The following RTL1 variants were observed in gnomAD, a reference collection of about 807,000 sequenced individuals.
RTL1 encodes the protein retrotransposon-like protein 1.
For missense variants in RTL1, 1,681 were observed against 1,767.5 expected, an observed-to-expected ratio of 0.95 and a Z score of 0.88; for synonymous variants, 727 against 748.4, an observed-to-expected ratio of 0.97 and a Z score of 0.47.
rs2038626428 is a variant in RTL1 at position 100,882,234 on chromosome 14, G to T, written c.2555C>A (p.Ala852Asp). 3.9e-6 allele frequency: 6 copies of T among 1,551,182 alleles called. No individual in the cohort carries two copies. The South Asian group carries it at 4.8e-5, about 12-fold the overall frequency. ...QFYWGVEEQE[A>D]FECLKRAFRK... ...GAAAGCCCTCTTCAGGCACTCGAAG[G>T]CCTCTTGCTCCTCGACTCCCCAGTA... Residue 852 changes from alanine to aspartate, a missense_variant, in exon 4 of 4, where the codon GCC becomes GAC. Physicochemically the swap from Ala to Asp is moderately radical, Grantham distance 126. Transcript: ENST00000649591.
intron 2 of RTL1, among the ~76,000 whole-genome samples, chr14:100,901,788 C>G (rs1356103140): frequency 2.2e-4 from 34 of 152,186 alleles, no homozygotes; most frequent in Non-Finnish European, 2.9e-5. Flanking sequence ...CACCTCCCCC[C>G]ACCAGCCCTG....
chr14:100,900,032 G>A (rs1266983151), intron 2 of RTL1, among the ~76,000 whole-genome samples: 2 of 152,224 alleles, frequency 1.3e-5, no homozygotes, highest in Admixed American at 6.5e-5. Flanking sequence ...CCTGGGGGCC[G>A]GGGAAGGGGC....
At chr14:100,895,250 A>G (rs2140052737) in intron 2 of RTL1, among the ~76,000 whole-genome samples, 1 of 152,256 alleles carries the variant, frequency 6.6e-6, no homozygotes, top group South Asian at 2.1e-4. Flanking sequence ...GATGGGGCTC[A>G]GGGGTCTACC....
Position 100,893,404 on chromosome 14 carries a change from C to A in RTL1, c.-87+40G>T, listed in dbSNP as rs983562026. On this transcript the variant is annotated intron_variant, in intron 3 of 3. Coordinates refer to ENST00000649591, the MANE Select transcript of RTL1 (RefSeq NM_001134888.3). This position sits in a 1 kb window ranked among gnomAD's most constrained non-coding sequence, Gnocchi z 4.2. ...CCTCCCCTGCCTGCCCACCCGATCC[C>A]TGGGGGAGGTCGACATGGGACCTCT... Among the ~76,000 whole-genome samples, 1 of 152,176 alleles carries A rather than the reference C, an allele frequency of 6.6e-6. No individual in the cohort carries two copies. Among genetic ancestry groups the A allele is most frequent in the Non-Finnish European group, 1.5e-5 (1 of 68,040 alleles).
Position 100,883,090 on chromosome 14 carries a change from T to G in RTL1, c.1699A>C (p.Asn567His). ...GTCTCATCATCTGCTTCCTTCGGGT[T>G]AAACACGTCGGCCAGGTCTGAGTAT... is the stretch of plus-strand genomic sequence containing the variant. Reference protein sequence around the residue: ...HPYSDLADVFNPKEADDETSD... With the variant: ...HPYSDLADVFHPKEADDETSD... The change falls in exon 4 of 4, where the codon AAC (asparagine) becomes CAC (histidine). Residue 567 changes from asparagine to histidine, a missense_variant. Asn to His is a moderately conservative substitution (Grantham distance 68). Transcript: ENST00000649591. The surrounding 1 kb of genome is among the most constrained non-coding windows in gnomAD (Gnocchi z 5.9). The G allele has an allele frequency of 6.2e-7, 1 of 1,613,812 alleles. No individual in the cohort carries two copies. Among genetic ancestry groups the G allele is most frequent in the Non-Finnish European group, 8.5e-7 (1 of 1,179,930 alleles).
chr14:100,901,870 C>A (rs1459110466), intron 2 of RTL1, among the ~76,000 whole-genome samples: 1 of 152,218 alleles, frequency 6.6e-6, no homozygotes, highest in Admixed American at 6.5e-5. Context: ...CCAACCATCT[C>A]TGTGCCTTTG....
In RTL1 at chr14:100,880,014, G is replaced by C. The variant is rs145252372; in HGVS notation, c.*698C>G. On this transcript the variant is annotated 3_prime_UTR_variant, in exon 4 of 4. Coordinates refer to ENST00000649591, the MANE Select transcript of RTL1 (RefSeq NM_001134888.3). ...TGCAGGGGCCCTCTTTGCTGTGCAA[G>C]TCTGGTAAGTGGCACTGGTACGTCC... 2.0e-5 allele frequency among the ~76,000 whole-genome samples: 3 copies of C among 151,960 alleles called. No individual in the cohort carries two copies. Among genetic ancestry groups the C allele is most frequent in the Admixed American group, 1.3e-4 (2 of 15,264 alleles).
intron 3 of RTL1, among the ~76,000 whole-genome samples, chr14:100,890,440 A>G (rs566387230): frequency 6.4e-4 from 63 of 97,740 alleles, no homozygotes; most frequent in African/African-American, 2.4e-3. Context: ...AGCAGAGTTG[A>G]GCCTGGGGCG....
rs530589243 is a variant in RTL1 at position 100,880,858 on chromosome 14, G to C, written c.3931C>G (p.Arg1311Gly). ...SADGQLHLLSREQAARALSQF... is the reference protein window; with the variant it reads ...SADGQLHLLSGEQAARALSQF... ...CTCAGGGCCCTGGCTGCCTGCTCCC[G>C]GCTGAGCAGGTGCAGCTGGCCATCT... Residue 1311 changes from arginine (R) to glycine (G), a missense_variant, in exon 4 of 4, where the codon CGG becomes GGG. Arg to Gly is a moderately radical substitution (Grantham distance 125). Transcript: ENST00000649591. The C allele has an allele frequency of 1.2e-5, 19 of 1,550,378 alleles. No individual in the cohort carries two copies. The highest frequency in any genetic ancestry group is 1.7e-5 in the Non-Finnish European group (19 of 1,146,868).
chr14:100,884,896 G>A, intron 3 of RTL1, 22 bp from the exon 4 acceptor site: 1 of 1,015,470 alleles, frequency 9.8e-7, no homozygotes, highest in South Asian at 1.7e-5. Flanking sequence ...AGGGGAGTGT[G>A]GGGAGTAAAG....
chr14:100,887,138 A>G (rs754479480), intron 3 of RTL1, among the ~76,000 whole-genome samples: 4 of 152,214 alleles, frequency 2.6e-5, no homozygotes, highest in Non-Finnish European at 5.9e-5. Flanking sequence ...GAAAATTTTC[A>G]CCGTGTAATT....
rs564104746 is a variant in RTL1 at position 100,903,329 on chromosome 14, A to AAGTGATGCCGGTGGCTT, written c.-204_-188dup. On this transcript the variant is annotated 5_prime_UTR_variant, in exon 2 of 4. Transcript: ENST00000649591. ...AGTCCCAAGCGTGAGGCTGGGGATGAAGTGATGCCGGTGGCTTAGTGATGC... is the reference window on the plus strand; with the variant it reads ...AGTCCCAAGCGTGAGGCTGGGGATGAAGTGATGCCGGTGGCTTAGTGATGCCGGTGGCTTAGTGATGC... Among the ~76,000 whole-genome samples, 49 of 152,060 alleles carry AAGTGATGCCGGTGGCTT rather than the reference A, an allele frequency of 3.2e-4. No homozygotes were observed. The Middle Eastern group carries it at 0.01, about 32-fold the overall frequency.
At position 100,881,998 on chromosome 14, in the gene RTL1, A is replaced by G. The variant is rs1343226232; in HGVS notation, c.2791T>C (p.Phe931Leu). 6.2e-7 allele frequency: 1 copy of G among 1,613,674 alleles called. No homozygotes were observed. Residue 931 changes from phenylalanine to leucine, a missense_variant, in exon 4 of 4, where the codon TTC becomes CTC. Coordinates refer to ENST00000649591, the MANE Select transcript of RTL1 (RefSeq NM_001134888.3). The surrounding 1 kb of genome is among the most constrained non-coding windows in gnomAD (Gnocchi z 6.6). ...TCCAGGTAGCGGCACCACACCATGA[A>G]GGCAGCCCGTATTGGAAGAATCTTC... is the stretch of plus-strand genomic sequence containing the variant. ...EMKILPIRAA[F>L]MVWCRYLENT... is the part of the protein sequence containing the mutation.
At chr14:100,888,742 T>C (rs1685985872) in intron 3 of RTL1, among the ~76,000 whole-genome samples, 1 of 152,246 alleles carries the variant, frequency 6.6e-6, no homozygotes, top group African/African-American at 2.4e-5. Flanking sequence ...TTCCTTGGCA[T>C]ATGCAACAGT....
chr14:100,894,154 A>G (rs931108406), intron 2 of RTL1, among the ~76,000 whole-genome samples: 1 of 152,066 alleles, frequency 6.6e-6, no homozygotes, highest in Non-Finnish European at 1.5e-5. Flanking sequence ...TACTAAAAAT[A>G]CAAAAATTAG....
At position 100,881,571 on chromosome 14, in the gene RTL1, C is replaced by T. The variant is rs926191383; in HGVS notation, c.3218G>A (p.Arg1073Lys). 1 of 1,551,758 alleles carries T rather than the reference C, an allele frequency of 6.4e-7. No individual in the cohort carries two copies. Among genetic ancestry groups the T allele is most frequent in the Non-Finnish European group, 8.7e-7 (1 of 1,147,022 alleles). The part of the protein sequence containing the change: ...FLAHFSMAQI[R>K]AVILHFFRGL... ...TCGGAAGAAGTGCAGAATGACGGCC[C>T]TGATCTGGGCCATGCTGAAGTGGGC... Residue 1073 changes from arginine to lysine, a missense_variant, in exon 4 of 4, where the codon AGG becomes AAG. Physicochemically the swap from Arg to Lys is conservative, Grantham distance 26 (BLOSUM62 2). Coordinates refer to ENST00000649591, the MANE Select transcript of RTL1 (RefSeq NM_001134888.3). This position sits in a 1 kb window ranked among gnomAD's most constrained non-coding sequence, Gnocchi z 6.6.
Position 100,884,764 on chromosome 14 carries a change from A to G in RTL1, c.25T>C (p.Phe9Leu). 1 of 1,589,692 alleles carries G rather than the reference A, an allele frequency of 6.3e-7. No homozygotes were observed. The highest frequency in any genetic ancestry group is 8.6e-7 in the Non-Finnish European group (1 of 1,168,394). Reference sequence around the variant, plus strand: ...TTCTTATGCTCCATCATCGTCTCAAATGAGTCTTCAGAGGGTTCTATCATT... The same window carrying G: ...TTCTTATGCTCCATCATCGTCTCAAGTGAGTCTTCAGAGGGTTCTATCATT... MIEPSEDS[F>L]ETMMEHKNPS... The change falls in exon 4 of 4, where the codon TTT (phenylalanine) becomes CTT (leucine). Residue 9 changes from phenylalanine (F) to leucine (L), a missense_variant. Coordinates refer to ENST00000649591, the MANE Select transcript of RTL1 (RefSeq NM_001134888.3).
intron 2 of RTL1, chr14:100,894,983 C>T (rs1330689377): frequency 6.6e-6 from 1 of 152,312 alleles, no homozygotes; most frequent in Admixed American, 6.5e-5. Context: ...GTGAGGGGCC[C>T]TGTTAGTCTG....
At chr14:100,894,036 C>T (rs1045827959) in intron 2 of RTL1, among the ~76,000 whole-genome samples, 8 of 152,120 alleles carry the variant, frequency 5.3e-5, no homozygotes, top group Non-Finnish European at 7.4e-5. Flanking sequence ...TCTGGCTGGG[C>T]GGGGTGGCTC....
Sources: gnomAD v4.1 joint callset for allele counts (sites outside exome capture counted in the v4.1 genomes callset) on GRCh38, gnomAD v4.1.1 for gene constraint, Gnocchi (gnomAD v3.1) non-coding constraint, MANE v1.5 for transcripts, NCBI Gene and HGNC (gene_info 2026-07-23, HGNC 2026-07-21) for gene names.